Variants in NFATC2 observed in about 807,000 individuals in gnomAD.
NFATC2 encodes the protein nuclear factor of activated T-cells, cytoplasmic 2.
In NFATC2, 22 loss-of-function variants were observed where a neutral mutation model predicts 87.3. The ratio of observed to expected loss-of-function variants is 0.25; its 90% confidence interval spans 0.18 to 0.36. The LOEUF (loss-of-function observed/expected upper bound fraction) is 0.36. NFATC2 is among the 10% of genes least tolerant of loss of function. NFATC2 has a pLI of 1.00. For missense variants in NFATC2, 1,149 were observed against 1,259.1 expected, an observed-to-expected ratio of 0.91 and a Z score of 1.32; for synonymous variants, 565 against 542.2, an observed-to-expected ratio of 1.04 and a Z score of -0.58.
intron 2 of NFATC2, among the ~76,000 whole-genome samples, chr20:51,520,479 G>A (rs1283728656): frequency 6.6e-6 from 1 of 150,388 alleles, no homozygotes; most frequent in African/African-American, 2.4e-5. Context: ...GTACGGGGGT[G>A]TGTGTCTAGT....
chr20:51,454,136 C>G (rs1045885072), intron 6 of NFATC2, among the ~76,000 whole-genome samples: 10 of 152,144 alleles, frequency 6.6e-5, no homozygotes, highest in Non-Finnish European at 1.5e-5. Flanking sequence ...TAATATGCCT[C>G]GGATCACCAA....
chr20:51,542,302 T>C, intron 1 of NFATC2, 68 bp downstream of exon 1: 1 of 1,541,598 alleles, frequency 6.5e-7, no homozygotes, highest in Non-Finnish European at 8.7e-7. Context: ...AGAGGACTCC[T>C]GTGCCCAGTC....
At chr20:51,445,460 C>T (rs1383722674) in intron 6 of NFATC2, among the ~76,000 whole-genome samples, 1 of 152,198 alleles carries the variant, frequency 6.6e-6, no homozygotes, top group Non-Finnish European at 1.5e-5. Context: ...AATAAAAATA[C>T]AGGATGTTCA....
At chr20:51,450,738 C>G (rs896693695) in intron 6 of NFATC2, among the ~76,000 whole-genome samples, 1 of 152,170 alleles carries the variant, frequency 6.6e-6, no homozygotes, top group Non-Finnish European at 1.5e-5. Context: ...AGACCACACA[C>G]GGAAAGTGGC....
chr20:51,512,644 C>T (rs2076290464), intron 3 of NFATC2, among the ~76,000 whole-genome samples: 2 of 152,074 alleles, frequency 1.3e-5, no homozygotes, highest in Admixed American at 1.3e-4. Flanking sequence ...TTTAATTGTA[C>T]ACTTAAGGAT....
intron 3 of NFATC2, 56 bp from the exon 4 acceptor site, chr20:51,475,716 A>G: frequency 6.4e-7 from 1 of 1,553,890 alleles, no homozygotes; most frequent in Non-Finnish European, 8.8e-7. Context: ...CTCTAATCCA[A>G]TAAACAAAAA....
intron 9 of NFATC2, among the ~76,000 whole-genome samples, chr20:51,422,939 G>A (rs1245164084): frequency 6.6e-6 from 1 of 152,094 alleles, no homozygotes; most frequent in Non-Finnish European, 1.5e-5. Context: ...CATTTCTAGA[G>A]AGAAACAGAC....
At chr20:51,550,136 G>C (rs1185030351) in intron 1 of NFATC2, among the ~76,000 whole-genome samples, 1 of 152,144 alleles carries the variant, frequency 6.6e-6, no homozygotes, top group Non-Finnish European at 1.5e-5. Flanking sequence ...CTGAGGCCAG[G>C]AGTTTGAGAC....
intron 9 of NFATC2, among the ~76,000 whole-genome samples, chr20:51,400,157 C>A (rs1987844139): frequency 6.6e-6 from 1 of 152,198 alleles, no homozygotes; most frequent in Non-Finnish European, 1.5e-5. Context: ...TCCACTGCCA[C>A]CCCGGCCCTA....
At chr20:51,473,915 T>C (rs1988468914) in intron 5 of NFATC2, 65 bp downstream of exon 5, 2 of 1,558,250 alleles carry the variant, frequency 1.3e-6, no homozygotes, top group Admixed American at 3.6e-5. Flanking sequence ...AATACACTGC[T>C]CCCGGGGGAA....
intron 1 of NFATC2, among the ~76,000 whole-genome samples, chr20:51,541,428 C>T (rs994327574): frequency 6.6e-6 from 1 of 152,146 alleles, no homozygotes; most frequent in Non-Finnish European, 1.5e-5. Context: ...TGAGGTTGGG[C>T]GTGTGGCCGC....
chr20:51,446,260 C>T (rs574806925), intron 6 of NFATC2, among the ~76,000 whole-genome samples: 2 of 152,362 alleles, frequency 1.3e-5, no homozygotes, highest in Non-Finnish European at 2.9e-5. Flanking sequence ...ACCAACATGG[C>T]TCTGCCCTCT....
Position 51,466,476 on chromosome 20 carries a change from C to T in NFATC2, c.1708+7504G>A, listed in dbSNP as rs1321230975. Among the ~76,000 whole-genome samples, 5 of 149,946 alleles carry T rather than the reference C, an allele frequency of 3.3e-5. No individual in the cohort carries two copies. In the East Asian group the frequency reaches 6.0e-4, roughly 18 times the overall value. ...GAAGGTGTGCAAGAAGCATCGGGGT[C>T]GTAGGTTGTCTAATCTTTTGCTTTC... On this transcript the variant is annotated intron_variant, in intron 5 of 10. Transcript: ENST00000371564.
At chr20:51,478,519 T>C (rs1347540561) in intron 3 of NFATC2, among the ~76,000 whole-genome samples, 2 of 152,154 alleles carry the variant, frequency 1.3e-5, no homozygotes, top group African/African-American at 4.8e-5. Context: ...CAGCTCCATG[T>C]GAATCCAGCC....
chr20:51,541,444 C>T (rs2076815189), intron 1 of NFATC2, among the ~76,000 whole-genome samples: 1 of 152,024 alleles, frequency 6.6e-6, no homozygotes. Flanking sequence ...GCCGCTTCCC[C>T]CTCCTCCTCC....
intron 3 of NFATC2, among the ~76,000 whole-genome samples, chr20:51,508,210 C>G (rs1038707946): frequency 2.0e-5 from 3 of 152,104 alleles, no homozygotes; most frequent in Non-Finnish European, 4.4e-5. Context: ...CTCAGTGAAC[C>G]TCCGTGTCTT....
At position 51,391,419 on chromosome 20, in the gene NFATC2, G is replaced by GTCCTGAAAACTCCT. The variant is rs1193679944; in HGVS notation, c.*63_*76dup. 6.9e-7 allele frequency: 1 copy of GTCCTGAAAACTCCT among 1,450,732 alleles called. No homozygotes were observed. The highest frequency in any genetic ancestry group is 9.3e-7 in the Non-Finnish European group (1 of 1,077,028). The allele number at this position is 1,450,732 out of a possible 1,614,324, so 89.9% of individuals were successfully genotyped here. A position where few individuals can be genotyped will look rare whatever the true frequency, so the allele number is the denominator to read the frequency against. On this transcript the variant is annotated 3_prime_UTR_variant, in exon 11 of 11. Transcript: ENST00000371564. Reference sequence around the variant, plus strand: ...TTTTACGTCTGATTTCTGGCAGGAGGTCCTGAAAACTCCTTCCTGATAATT... The same window carrying GTCCTGAAAACTCCT: ...TTTTACGTCTGATTTCTGGCAGGAGGTCCTGAAAACTCCTTCCTGAAAACTCCTTCCTGATAATT...
At chr20:51,392,770 G>C (rs1360591692) in intron 10 of NFATC2, among the ~76,000 whole-genome samples, 1 of 152,156 alleles carries the variant, frequency 6.6e-6, no homozygotes, top group Non-Finnish European at 1.5e-5. Flanking sequence ...GTTCAGAGTT[G>C]CCCGAAGTTT....
At chr20:51,436,236 C>T (rs527849393) in intron 6 of NFATC2, among the ~76,000 whole-genome samples, 119 of 151,804 alleles carry the variant, frequency 7.8e-4, no homozygotes, top group Non-Finnish European at 1.4e-3. Flanking sequence ...CTTCCCAAAT[C>T]TAAAAGTTGA....
Sources: allele counts gnomAD v4.1 joint callset (sites outside exome capture counted in the v4.1 genomes callset), GRCh38; gene constraint gnomAD v4.1.1; transcripts MANE v1.5; gene names NCBI Gene and HGNC (gene_info 2026-07-23, HGNC 2026-07-21).